The following GRIK5 variants were observed in gnomAD, a reference collection of about 807,000 sequenced individuals.
The protein encoded by GRIK5 is glutamate receptor ionotropic, kainate 5.
In GRIK5, 43 loss-of-function variants were observed where a neutral mutation model predicts 97.4. That is an observed-to-expected ratio of 0.44 (90% CI 0.35 to 0.57). GRIK5 has a LOEUF of 0.57. Among genes scored for constraint, GRIK5 ranks in the 20% least tolerant of loss-of-function variants. The pLI, the probability that GRIK5 is intolerant of heterozygous loss-of-function variation, is 0.01. For missense variants in GRIK5, 1,015 were observed against 1,382.0 expected (o/e 0.73, Z 4.21); for synonymous variants, 580 against 583.5 (o/e 0.99, Z 0.09).
chr19:42,034,817 T>C lies in GRIK5; in HGVS notation c.1473+7735A>G, dbSNP rs1449628981. On this transcript the variant is annotated intron_variant, in intron 12 of 19. Coordinates refer to ENST00000593562, the MANE Select transcript of GRIK5 (RefSeq NM_002088.5). ...CACCTAACACGATATTAATATATCATACGCTGTCAGTTTCCCCCACTAGAA... is the reference window on the plus strand; with the variant it reads ...CACCTAACACGATATTAATATATCACACGCTGTCAGTTTCCCCCACTAGAA... Among the ~76,000 whole-genome samples the C allele has an allele frequency of 3.7e-5, 5 of 135,640 alleles. No individual in the cohort carries two copies. In the East Asian group the frequency reaches 1.3e-3, roughly 34 times the overall value. The allele number at this position is 135,640 out of a possible 152,430, so 89.0% of individuals were successfully genotyped here.
At chr19:42,054,177 G>T (rs1599834828) in intron 9 of GRIK5, 143 bp downstream of exon 9, 1 of 860,364 alleles carries the variant, frequency 1.2e-6, no homozygotes, top group Non-Finnish European at 1.8e-6. Context: ...CAGATAGGCA[G>T]CAACAGCCAG....
At position 42,065,227 on chromosome 19, in the gene GRIK5, G is replaced by A; in HGVS notation, c.240C>T (p.Asp80=). ...CGCCCCCATGGCCCCGCTCACTGGT[G>A]TCCGTGGTCTCGTACTGGCTGTCCC... is the stretch of plus-strand genomic sequence containing the variant. ...LQRDSQYETT[D]TMCQILPKGV... Residue 80 remains aspartate (D), a synonymous_variant, in exon 3 of 20, where the codon GAC becomes GAT. Coordinates refer to ENST00000593562, the MANE Select transcript of GRIK5 (RefSeq NM_002088.5). This position sits in a 1 kb window ranked among gnomAD's most constrained non-coding sequence, Gnocchi z 5.8. 1.9e-6 allele frequency: 3 copies of A among 1,609,532 alleles called. No individual in the cohort carries two copies. Among genetic ancestry groups the A allele is most frequent in the Non-Finnish European group, 2.5e-6 (3 of 1,177,330 alleles).
rs150358915 is a variant in GRIK5 at position 42,010,591 on chromosome 19, C to T, written c.1872-3781G>A. On this transcript the variant is annotated intron_variant, in intron 15 of 19. Transcript: ENST00000593562. ...AGGCAAAAATATCCCTCAAAGAAGA[C>T]ACACTAACACATTTTTCATACAAAA... Among the ~76,000 whole-genome samples, 56 of 152,248 alleles carry T rather than the reference C, an allele frequency of 3.7e-4. 2 individuals are homozygous for T. The highest frequency in any genetic ancestry group is 1.3e-3 in the African/African-American group (54 of 41,542).
Position 42,022,040 on chromosome 19 carries a change from T to G in GRIK5, c.1604A>C (p.Tyr535Ser). 6.2e-7 allele frequency: 1 copy of G among 1,612,794 alleles called. No homozygotes were observed. The highest frequency in any genetic ancestry group is 1.3e-5 in the African/African-American group (1 of 74,980). ...GGAGAAGGGGTCCAGGAAGGAGAAG[T>G]AGCCAGGCTTGCGGCCCTGTGGGGA... Reference protein sequence around the residue: ...YRVHMGRKPGYFSFLDPFSPA... With the variant: ...YRVHMGRKPGSFSFLDPFSPA... The change falls in exon 14 of 20, where the codon TAC (tyrosine) becomes TCC (serine). Residue 535 changes from tyrosine to serine, a missense_variant. By Grantham distance (144) the Tyr-to-Ser change is moderately radical (BLOSUM62 -2). Coordinates refer to ENST00000593562, the MANE Select transcript of GRIK5 (RefSeq NM_002088.5). This position sits in a 1 kb window ranked among gnomAD's most constrained non-coding sequence, Gnocchi z 4.2.
intron 17 of GRIK5, among the ~76,000 whole-genome samples, chr19:42,004,536 A>G (rs946433892): frequency 2.0e-5 from 3 of 152,234 alleles, no homozygotes; most frequent in Non-Finnish European, 4.4e-5. Context: ...ATCCTGTGGG[A>G]CAGGTATCCC....
intron 11 of GRIK5, among the ~76,000 whole-genome samples, chr19:42,048,499 A>G (rs2076071650): frequency 6.6e-6 from 1 of 152,214 alleles, no homozygotes; most frequent in African/African-American, 2.4e-5. Context: ...AGGCGCCTGT[A>G]GTCCCAGCTA....
Position 42,005,902 on chromosome 19 carries a change from G to T in GRIK5, c.2084C>A (p.Ser695Ter). The T allele has an allele frequency of 6.2e-7, 1 of 1,607,596 alleles. No individual in the cohort carries two copies. The highest frequency in any genetic ancestry group is 1.1e-5 in the South Asian group (1 of 90,320). ...TYQRMWNYMQ[S>*]KQPSVFVKST... ...CTTGACGAACACGCTGGGCTGCTTCGACTGCATGTAGTTCCACATGCGCTG... is the reference window on the plus strand; with the variant it reads ...CTTGACGAACACGCTGGGCTGCTTCTACTGCATGTAGTTCCACATGCGCTG... Residue 695 changes from serine to a stop codon, truncating the protein, a stop_gained, in exon 17 of 20, where the codon TCG (serine) becomes TAG (stop). Transcript: ENST00000593562. LOFTEE classifies it high-confidence loss of function.
At chr19:42,051,442 A>G (rs1376183533) in intron 11 of GRIK5, among the ~76,000 whole-genome samples, 3 of 152,092 alleles carry the variant, frequency 2.0e-5, no homozygotes, top group African/African-American at 7.2e-5. Flanking sequence ...TCCTGACTCC[A>G]GATCTGGCCC....
intron 12 of GRIK5, among the ~76,000 whole-genome samples, chr19:42,023,243 G>A (rs936683312): frequency 6.6e-5 from 10 of 151,928 alleles, no homozygotes; most frequent in South Asian, 4.1e-4. Context: ...CACCAGCCTC[G>A]ATAAAACCGA....
chr19:42,065,154 G>A lies in GRIK5; in HGVS notation c.244+69C>T, dbSNP rs1268113007. ...AGGACAAGGCCAGGCCAGAGGCCAGGGGCAGAGGGATGGACTGAGGGCCAC... is the reference window on the plus strand; with the variant it reads ...AGGACAAGGCCAGGCCAGAGGCCAGAGGCAGAGGGATGGACTGAGGGCCAC... On this transcript the variant is annotated intron_variant, in intron 3 of 19. Transcript: ENST00000593562. The surrounding 1 kb of genome is among the most constrained non-coding windows in gnomAD (Gnocchi z 5.8). 3 of 1,397,596 alleles carry A rather than the reference G, an allele frequency of 2.1e-6. No individual in the cohort carries two copies. The highest frequency in any genetic ancestry group is 1.3e-5 in the South Asian group (1 of 79,092). 86.6% of individuals were successfully genotyped at this position (1,397,596 alleles called of 1,614,324 possible).
intron 1 of GRIK5, among the ~76,000 whole-genome samples, chr19:42,067,434 A>G (rs2076351113): frequency 6.6e-6 from 1 of 152,150 alleles, no homozygotes; most frequent in Admixed American, 6.5e-5. Flanking sequence ...TGGGGACTGC[A>G]AACTATAATG....
chr19:42,008,979 C>A (rs2075526635), intron 15 of GRIK5, among the ~76,000 whole-genome samples: 1 of 152,176 alleles, frequency 6.6e-6, no homozygotes, highest in African/African-American at 2.4e-5. Context: ...GTAATCCTAG[C>A]ACACTGGGAG....
At chr19:42,001,336 C>T (rs1451697682) in intron 19 of GRIK5, among the ~76,000 whole-genome samples, 1 of 152,226 alleles carries the variant, frequency 6.6e-6, no homozygotes, top group African/African-American at 2.4e-5. Flanking sequence ...TCAAGTAATT[C>T]TCCTGTCTCA....
intron 1 of GRIK5, chr19:42,068,399 G>A (rs2076371082): frequency 8.6e-6 from 2 of 232,546 alleles, no homozygotes; most frequent in Non-Finnish European, 1.7e-5. Context: ...TAACACAGAA[G>A]TCGGGAGAGA....
Position 42,022,003 on chromosome 19 carries a change from C to T in GRIK5, c.1641G>A (p.Trp547Ter). The change falls in exon 14 of 20, where the codon TGG (tryptophan) becomes TGA (stop). Residue 547 changes from tryptophan (W) to a stop codon, truncating the protein, a stop_gained. Transcript: ENST00000593562. LOFTEE classifies it high-confidence loss of function. This position sits in a 1 kb window ranked among gnomAD's most constrained non-coding sequence, Gnocchi z 4.2. ...CCAGGTAGGCAAGAAGCATGAAGAG[C>T]CACACAGCAGGGGAGAAGGGGTCCA... is the stretch of plus-strand genomic sequence containing the variant. ...SFLDPFSPAV[W>*]LFMLLAYLAV... The T allele has an allele frequency of 6.2e-7, 1 of 1,613,982 alleles. No individual in the cohort carries two copies. Among genetic ancestry groups the T allele is most frequent in the South Asian group, 1.1e-5 (1 of 91,056 alleles).
At chr19:42,051,128 G>T (rs1053143254) in intron 11 of GRIK5, among the ~76,000 whole-genome samples, 1 of 152,128 alleles carries the variant, frequency 6.6e-6, no homozygotes, top group African/African-American at 2.4e-5. Context: ...AGGCATCTCA[G>T]CTCAATGAAG....
intron 3 of GRIK5, among the ~76,000 whole-genome samples, chr19:42,063,986 T>C (rs962975429): frequency 6.6e-6 from 1 of 152,184 alleles, no homozygotes; most frequent in Non-Finnish European, 1.5e-5. Context: ...GGCCCCACCA[T>C]TCACACAGAC....
At chr19:42,044,815 TG>T (rs960562857) in intron 11 of GRIK5, among the ~76,000 whole-genome samples, 13 of 152,302 alleles carry the variant, frequency 8.5e-5, no homozygotes, top group Admixed American at 5.9e-4. Context: ...CCAGGCGTGC[TG>T]GTGTGCACCT....
intron 12 of GRIK5, among the ~76,000 whole-genome samples, chr19:42,027,246 A>T (rs1007598931): frequency 1.4e-4 from 22 of 152,200 alleles, no homozygotes; most frequent in Admixed American, 1.3e-4. Flanking sequence ...AGCAAGAGAG[A>T]GACTCGAGGG....
Sources: gnomAD v4.1 joint callset for allele counts (sites outside exome capture counted in the v4.1 genomes callset) on GRCh38, gnomAD v4.1.1 for gene constraint, Gnocchi (gnomAD v3.1) non-coding constraint, MANE v1.5 for transcripts, NCBI Gene and HGNC (gene_info 2026-07-23, HGNC 2026-07-21) for gene names.